Variants in TNR observed in about 807,000 individuals in gnomAD.
The protein encoded by TNR is tenascin R.
In TNR, 45 loss-of-function variants were observed where a neutral mutation model predicts 150.4. That is an observed-to-expected ratio of 0.30 (90% CI 0.24 to 0.38). The LOEUF is 0.38. Among genes scored for constraint, TNR ranks in the 10% least tolerant of loss-of-function variants. The pLI, the probability that TNR is intolerant of heterozygous loss-of-function variation, is 1.00. For missense variants in TNR, 1,544 were observed against 1,759.1 expected, an observed-to-expected ratio of 0.88 and a Z score of 2.19; for synonymous variants, 687 against 678.4, an observed-to-expected ratio of 1.01 and a Z score of -0.20.
intron 2 of TNR, among the ~76,000 whole-genome samples, chr1:175,472,052 C>T (rs1298027118): frequency 6.6e-6 from 1 of 152,098 alleles, no homozygotes; most frequent in African/African-American, 2.4e-5. Flanking sequence ...GCAGGAGGAT[C>T]ACTTGAGCAC....
At chr1:175,602,818 G>A (rs1474345212) in intron 1 of TNR, among the ~76,000 whole-genome samples, 2 of 152,088 alleles carry the variant, frequency 1.3e-5, no homozygotes, top group Non-Finnish European at 2.9e-5. Context: ...TGCTTCATTA[G>A]CTTCCTAGAA....
At chr1:175,573,873 C>T (rs1037959598) in intron 1 of TNR, among the ~76,000 whole-genome samples, 10 of 152,200 alleles carry the variant, frequency 6.6e-5, no homozygotes, top group African/African-American at 2.4e-4. Flanking sequence ...TGAATGGCAG[C>T]CCTTGGTCAG....
At chr1:175,457,266 A>G (rs1183273748) in intron 2 of TNR, among the ~76,000 whole-genome samples, 2 of 152,060 alleles carry the variant, frequency 1.3e-5, no homozygotes, top group Non-Finnish European at 1.5e-5. Flanking sequence ...GAACCATCAG[A>G]CTCCTGGCAG....
At chr1:175,347,760 T>G (rs1650866553) in intron 18 of TNR, among the ~76,000 whole-genome samples, 1 of 152,134 alleles carries the variant, frequency 6.6e-6, no homozygotes, top group Non-Finnish European at 1.5e-5. Flanking sequence ...CATTTTAATT[T>G]TTATCTAAAG....
At chr1:175,359,139 C>CTTCTTTT (rs1651467893) in intron 15 of TNR, among the ~76,000 whole-genome samples, 2 of 42,138 alleles carry the variant, frequency 4.7e-5, no homozygotes, top group African/African-American at 8.4e-5. Flanking sequence ...GGGATATCTT[C>CTTCTTTT]TTTTTTTTTT....
chr1:175,589,203 C>T (rs1025029010), intron 1 of TNR, among the ~76,000 whole-genome samples: 1 of 152,148 alleles, frequency 6.6e-6, no homozygotes, highest in African/African-American at 2.4e-5. Flanking sequence ...ATCTTGACCC[C>T]ATCATATGGT....
At chr1:175,573,959 A>G (rs1185486790) in intron 1 of TNR, among the ~76,000 whole-genome samples, 1 of 152,136 alleles carries the variant, frequency 6.6e-6, no homozygotes, top group African/African-American at 2.4e-5. Context: ...TCTTCTTCCC[A>G]TTTCCTGCAT....
chr1:175,431,725 G>C (rs1210960134), intron 2 of TNR, among the ~76,000 whole-genome samples: 3 of 151,910 alleles, frequency 2.0e-5, no homozygotes, highest in African/African-American at 4.8e-5. Flanking sequence ...AAGAGTAGTG[G>C]TCATGGTGGT....
At chr1:175,471,726 C>T (rs1322821494) in intron 2 of TNR, among the ~76,000 whole-genome samples, 2 of 152,126 alleles carry the variant, frequency 1.3e-5, no homozygotes, top group African/African-American at 2.4e-5. Context: ...TTTATCAACA[C>T]TGAATACTTA....
chr1:175,663,187 G>A (rs569934381), intron 1 of TNR, among the ~76,000 whole-genome samples: 4 of 152,186 alleles, frequency 2.6e-5, no homozygotes, highest in South Asian at 4.2e-4. Context: ...AAGCCGCCAC[G>A]CTGGCGGGGG....
At chr1:175,443,600 G>C (rs543880980) in intron 2 of TNR, among the ~76,000 whole-genome samples, 38 of 152,278 alleles carry the variant, frequency 2.5e-4, no homozygotes, top group African/African-American at 9.1e-4. Flanking sequence ...GGTAGAGGGT[G>C]AGACAGCCCC....
intron 18 of TNR, among the ~76,000 whole-genome samples, chr1:175,340,391 A>G (rs768549266): frequency 9.2e-5 from 14 of 152,254 alleles, no homozygotes; most frequent in Non-Finnish European, 1.6e-4. Flanking sequence ...TTGCTCACAC[A>G]GACTATCAAG....
At chr1:175,544,964 T>A (rs184984004) in intron 1 of TNR, among the ~76,000 whole-genome samples, 100 of 152,288 alleles carry the variant, frequency 6.6e-4, no homozygotes, top group Non-Finnish European at 1.5e-4. Context: ...GTGTTAGCCC[T>A]TTTTTTCTGC....
chr1:175,406,668 C>G lies in TNR; in HGVS notation c.47G>C (p.Gly16Ala). ...ETVVLKNMLI[G>A]INLILLGSMI... ...GGAGCCCAGAAGGATCAGGTTGATGCCAATGAGCATGTTCTTCAGAACCAC... is the reference window on the plus strand; with the variant it reads ...GGAGCCCAGAAGGATCAGGTTGATGGCAATGAGCATGTTCTTCAGAACCAC... The change falls in exon 3 of 23, where the codon GGC (glycine) becomes GCC (alanine). Residue 16 changes from glycine (G) to alanine (A), a missense_variant. Gly to Ala is a moderately conservative substitution (Grantham distance 60). Around this residue, in one of 2 missense-constraint regions of TNR, gnomAD observed 1,254 missense variants for 1,329.4 expected, o/e 0.94. Transcript: ENST00000367674. 1 of 1,614,222 alleles carries G rather than the reference C, an allele frequency of 6.2e-7. No individual in the cohort carries two copies. The highest frequency in any genetic ancestry group is 1.1e-5 in the South Asian group (1 of 91,082).
At chr1:175,467,723 G>T (rs548096799) in intron 2 of TNR, among the ~76,000 whole-genome samples, 3 of 152,318 alleles carry the variant, frequency 2.0e-5, no homozygotes, top group East Asian at 3.9e-4. Context: ...GGTCAGGGAA[G>T]AGGAAAAGGA....
intron 1 of TNR, among the ~76,000 whole-genome samples, chr1:175,590,851 A>G (rs1489571078): frequency 6.6e-6 from 1 of 152,238 alleles, no homozygotes; most frequent in African/African-American, 2.4e-5. Context: ...AATACCTTGT[A>G]TGTGTGCAGT....
intron 1 of TNR, among the ~76,000 whole-genome samples, chr1:175,696,379 G>A (rs1666527267): frequency 6.6e-6 from 1 of 151,968 alleles, no homozygotes; most frequent in Non-Finnish European, 1.5e-5. Context: ...CACGTGGAGA[G>A]CAGGGTGGGC....
rs1231986584 is a variant in TNR at position 175,649,866 on chromosome 1, G to A, written c.-165+93360C>T. Among the ~76,000 whole-genome samples the A allele has an allele frequency of 3.3e-5, 5 of 152,124 alleles. No individual in the cohort carries two copies. The East Asian group carries it at 9.6e-4, about 29-fold the overall frequency. ...CTGGGGCTCCTCACATGCACCCTCT[G>A]TATTCTCCTGATCCATATCTTTGCA... On this transcript the variant is annotated intron_variant, in intron 1 of 22. Coordinates refer to ENST00000367674, the MANE Select transcript of TNR (RefSeq NM_003285.3).
At chr1:175,723,300 T>C (rs889979137) in intron 1 of TNR, among the ~76,000 whole-genome samples, 4 of 152,152 alleles carry the variant, frequency 2.6e-5, no homozygotes, top group Non-Finnish European at 4.4e-5. Context: ...TAATGCCCAA[T>C]TTGCAGCCCT....
Sources: gnomAD v4.1 joint callset for allele counts (sites outside exome capture counted in the v4.1 genomes callset) on GRCh38, gnomAD v4.1.1 for gene constraint, gnomAD v4.1.1 regional missense constraint, MANE v1.5 for transcripts, NCBI Gene and HGNC (gene_info 2026-07-23, HGNC 2026-07-21) for gene names.